The following DTD1 variants were observed in gnomAD, a reference collection of about 807,000 sequenced individuals.
The protein encoded by DTD1 is D-aminoacyl-tRNA deacylase 1.
DTD1 carries 13 observed loss-of-function variants against 25.6 expected under a neutral mutation model. The observed-to-expected ratio is 0.51, with a 90% CI of 0.33 to 0.81. The LOEUF is 0.81. DTD1 is among the 30% of genes least tolerant of loss of function. The pLI is 0.02. For synonymous variants in DTD1, 110 were observed against 103.6 expected, an observed-to-expected ratio of 1.06 and a Z score of -0.37; for missense variants, 193 against 266.4, an observed-to-expected ratio of 0.72 and a Z score of 1.92.
chr20:18,624,799 G>A (rs1283559467), intron 3 of DTD1, among the ~76,000 whole-genome samples: 1 of 152,222 alleles, frequency 6.6e-6, no homozygotes, highest in Non-Finnish European at 1.5e-5. Flanking sequence ...TGTTATGCAA[G>A]AAGGCTACCT....
intron 5 of DTD1, among the ~76,000 whole-genome samples, chr20:18,747,105 T>C (rs2061302977): frequency 6.6e-6 from 1 of 152,240 alleles, no homozygotes; most frequent in Admixed American, 6.5e-5. Context: ...ATTTATAGTC[T>C]GTCCAGAAAT....
intron 4 of DTD1, among the ~76,000 whole-genome samples, chr20:18,666,156 G>A (rs1329744274): frequency 6.6e-6 from 1 of 152,128 alleles, no homozygotes; most frequent in Non-Finnish European, 1.5e-5. Context: ...AGGAGGACTG[G>A]CCATGTACTC....
At chr20:18,613,250 T>G (rs2060695127) in intron 3 of DTD1, among the ~76,000 whole-genome samples, 1 of 152,202 alleles carries the variant, frequency 6.6e-6, no homozygotes, top group Non-Finnish European at 1.5e-5. Flanking sequence ...GGGTATACAG[T>G]GCCGAGTAAG....
intron 3 of DTD1, among the ~76,000 whole-genome samples, chr20:18,606,938 A>G (rs928239316): frequency 2.6e-5 from 4 of 152,062 alleles, no homozygotes; most frequent in Non-Finnish European, 4.4e-5. Context: ...AAAAAAAAAA[A>G]AGCCATTCCT....
At chr20:18,628,019 A>G in intron 3 of DTD1, 108 bp from the exon 4 acceptor site, 1 of 894,672 alleles carries the variant, frequency 1.1e-6, no homozygotes, top group Non-Finnish European at 1.8e-6. Flanking sequence ...GTTTCCCAGT[A>G]TTGAGTATGT....
chr20:18,702,359 TG>T (rs2061108793), intron 4 of DTD1, among the ~76,000 whole-genome samples: 1 of 152,242 alleles, frequency 6.6e-6, no homozygotes, highest in Non-Finnish European at 1.5e-5. Context: ...GGGTGCTATT[TG>T]GCTTTATCCT....
intron 4 of DTD1, among the ~76,000 whole-genome samples, chr20:18,660,150 T>G (rs1289884849): frequency 6.6e-6 from 1 of 152,082 alleles, no homozygotes; most frequent in Non-Finnish European, 1.5e-5. Flanking sequence ...GAGGTTGCAG[T>G]GAGCTGAGAT....
chr20:18,656,715 T>C (rs1280667755), intron 4 of DTD1, among the ~76,000 whole-genome samples: 2 of 152,192 alleles, frequency 1.3e-5, no homozygotes, highest in Non-Finnish European at 2.9e-5. Flanking sequence ...GTCTTCTGTT[T>C]ACCAGGGAAT....
At chr20:18,758,817 T>C (rs1174740833) in intron 5 of DTD1, among the ~76,000 whole-genome samples, 1 of 152,186 alleles carries the variant, frequency 6.6e-6, no homozygotes, top group Non-Finnish European at 1.5e-5. Flanking sequence ...TCAATTCCTG[T>C]ATATCCTTGT....
At chr20:18,629,586 A>T (rs750714596) in intron 4 of DTD1, among the ~76,000 whole-genome samples, 50 of 152,138 alleles carry the variant, frequency 3.3e-4, no homozygotes, top group Non-Finnish European at 4.7e-4. Flanking sequence ...TACAGGCAAG[A>T]GTCACCATGC....
intron 5 of DTD1, among the ~76,000 whole-genome samples, chr20:18,748,505 T>TAAC (rs1278974967): frequency 6.6e-6 from 1 of 152,204 alleles, no homozygotes; most frequent in African/African-American, 2.4e-5. Context: ...GTTAGTGTTC[T>TAAC]GTGGCCCCTG....
chr20:18,611,719 C>T (rs1600317108), intron 3 of DTD1, among the ~76,000 whole-genome samples: 1 of 152,286 alleles, frequency 6.6e-6, no homozygotes, highest in East Asian at 1.9e-4. Flanking sequence ...AGCAGGCCGG[C>T]TCTCTTCGTT....
intron 5 of DTD1, among the ~76,000 whole-genome samples, chr20:18,745,470 G>A (rs1884786): frequency 0.014 from 2,196 of 152,290 alleles, 30 homozygotes; most frequent in South Asian, 0.037. Flanking sequence ...ACTACAGCAC[G>A]GTGCGTGTGG....
intron 1 of DTD1, 143 bp downstream of exon 1, chr20:18,588,258 G>A (rs6075371): frequency 0.38 from 301,768 of 797,186 alleles, 59,190 homozygotes; most frequent in South Asian, 0.42. Flanking sequence ...CTCGGTCCGC[G>A]CAGCCGCGAG....
chr20:18,627,328 G>A (rs1027058480), intron 3 of DTD1, among the ~76,000 whole-genome samples: 1 of 152,204 alleles, frequency 6.6e-6, no homozygotes, highest in Non-Finnish European at 1.5e-5. Context: ...GGTTGCGGAA[G>A]GACCTCAGGG....
At chr20:18,716,897 T>C (rs1249283576) in intron 4 of DTD1, among the ~76,000 whole-genome samples, 2 of 151,344 alleles carry the variant, frequency 1.3e-5, no homozygotes, top group East Asian at 3.9e-4. Flanking sequence ...TGAATTTTCT[T>C]TTTTTTTTAC....
At chr20:18,719,245 ATGTGTG>A (rs34218213) in intron 4 of DTD1, among the ~76,000 whole-genome samples, 63 of 149,174 alleles carry the variant, frequency 4.2e-4, no homozygotes, top group African/African-American at 7.1e-4. Context: ...GTATATATAT[ATGTGTG>A]TGTGTGTGTG....
chr20:18,719,207 T>C (rs1402211181), intron 4 of DTD1, among the ~76,000 whole-genome samples: 2 of 151,860 alleles, frequency 1.3e-5, no homozygotes, highest in African/African-American at 4.8e-5. Flanking sequence ...GGATTGTCTA[T>C]TTTTTGTGTA....
intron 1 of DTD1, among the ~76,000 whole-genome samples, chr20:18,591,157 A>G (rs1296526730): frequency 2.6e-5 from 4 of 152,176 alleles, no homozygotes; most frequent in Non-Finnish European, 5.9e-5. Context: ...TGAATCTCCT[A>G]GTCCTTCTAC....
Sources: gnomAD v4.1 joint callset for allele counts (sites outside exome capture counted in the v4.1 genomes callset) on GRCh38, gnomAD v4.1.1 for gene constraint, MANE v1.5 for transcripts, NCBI Gene and HGNC (gene_info 2026-07-23, HGNC 2026-07-21) for gene names.